The following SGCZ variants were observed in gnomAD, a reference collection of about 807,000 sequenced individuals.
SGCZ encodes sarcoglycan zeta, also known as zeta-sarcoglycan.
Under a neutral mutation model 41.3 loss-of-function variants are expected in SGCZ, and 40 were observed. That is an observed-to-expected ratio of 0.97 (90% CI 0.75 to 1.26). The LOEUF (loss-of-function observed/expected upper bound fraction) is 1.26. SGCZ is among the 50% of genes most tolerant of loss of function. The pLI, the probability that SGCZ is intolerant of heterozygous loss-of-function variation, is 0.00. For synonymous variants in SGCZ, 206 were observed against 137.5 expected, an observed-to-expected ratio of 1.50 and a Z score of -3.49; for missense variants, 552 against 369.8, an observed-to-expected ratio of 1.49 and a Z score of -4.04.
At chr8:14,941,061 C>T (rs1157544899) in intron 1 of SGCZ, among the ~76,000 whole-genome samples, 19 of 151,998 alleles carry the variant, frequency 1.3e-4, no homozygotes, top group Admixed American at 1.1e-3. Flanking sequence ...GCAACAAATA[C>T]CATTTTTACC....
At chr8:15,054,897 GC>G (rs1804648202) in intron 1 of SGCZ, among the ~76,000 whole-genome samples, 1 of 150,806 alleles carries the variant, frequency 6.6e-6, no homozygotes, top group Non-Finnish European at 1.5e-5. Context: ...AGGAGGCAGA[GC>G]TTGCAGTGAG....
At chr8:14,152,491 C>G (rs564199127) in intron 5 of SGCZ, among the ~76,000 whole-genome samples, 1 of 152,240 alleles carries the variant, frequency 6.6e-6, no homozygotes, top group African/African-American at 2.4e-5. Flanking sequence ...TAGCAAGATC[C>G]TGTCTCTTAA....
intron 1 of SGCZ, among the ~76,000 whole-genome samples, chr8:14,754,069 A>G (rs1480161304): frequency 6.6e-6 from 1 of 152,224 alleles, no homozygotes; most frequent in African/African-American, 2.4e-5. Flanking sequence ...GCCCATGTCA[A>G]CAGAGTTCTG....
intron 1 of SGCZ, among the ~76,000 whole-genome samples, chr8:15,111,309 A>G (rs1807041011): frequency 6.6e-6 from 1 of 151,960 alleles, no homozygotes; most frequent in African/African-American, 2.4e-5. Flanking sequence ...TCTCCCTACA[A>G]CCCTCTCCCG....
intron 1 of SGCZ, among the ~76,000 whole-genome samples, chr8:15,163,543 T>A (rs1799573438): frequency 6.6e-6 from 1 of 152,212 alleles, no homozygotes; most frequent in Non-Finnish European, 1.5e-5. Flanking sequence ...AATCTTGAAG[T>A]TCTAATAAAA....
chr8:14,513,947 T>C (rs1217862949), intron 2 of SGCZ, among the ~76,000 whole-genome samples: 1 of 152,004 alleles, frequency 6.6e-6, no homozygotes, highest in East Asian at 1.9e-4. Context: ...CAGCCTTGAG[T>C]CAGTTGGAAA....
chr8:14,684,841 CA>C (rs1290069172), intron 1 of SGCZ, among the ~76,000 whole-genome samples: 2 of 151,960 alleles, frequency 1.3e-5, no homozygotes, highest in Non-Finnish European at 2.9e-5. Context: ...TTTCAAGAAA[CA>C]ATGCAGCCTT....
chr8:14,127,025 G>A (rs1419966668), intron 5 of SGCZ, among the ~76,000 whole-genome samples: 1 of 152,090 alleles, frequency 6.6e-6, no homozygotes, highest in Non-Finnish European at 1.5e-5. Context: ...TAATGCATGT[G>A]TGGCTTAATA....
chr8:14,539,894 T>A lies in SGCZ; in HGVS notation c.234+14838A>T, dbSNP rs540600404. 4.6e-5 allele frequency among the ~76,000 whole-genome samples: 7 copies of A among 152,090 alleles called. 1 individual carries two copies. In the South Asian group the frequency reaches 1.5e-3, roughly 32 times the overall value. On this transcript the variant is annotated intron_variant, in intron 2 of 7. Coordinates refer to ENST00000382080, the MANE Select transcript of SGCZ (RefSeq NM_139167.4). ...TGTCAGATAGAAGTCCTTTGTTGGC[T>A]TGTTTGCTTTAATTTAAAAATAGAG...
chr8:14,527,557 C>T (rs28446638), intron 2 of SGCZ, among the ~76,000 whole-genome samples: 2 of 135,606 alleles, frequency 1.5e-5, no homozygotes, highest in South Asian at 2.4e-4. Flanking sequence ...TTTAAAAAAA[C>T]ATCAATAGCC....
chr8:14,103,278 C>G (rs540719886), intron 6 of SGCZ, among the ~76,000 whole-genome samples: 1,380 of 103,328 alleles, frequency 0.013, 17 homozygotes, highest in Non-Finnish European at 0.023. Context: ...AGAGAAAAAG[C>G]AAAAATGACA....
At chr8:14,961,625 CAT>C (rs879467462) in intron 1 of SGCZ, among the ~76,000 whole-genome samples, 5 of 152,036 alleles carry the variant, frequency 3.3e-5, no homozygotes, top group African/African-American at 4.8e-5. Flanking sequence ...TAAGAAAAAA[CAT>C]AGTACATATA....
At chr8:15,124,181 C>CT (rs1275550190) in intron 1 of SGCZ, among the ~76,000 whole-genome samples, 1 of 152,198 alleles carries the variant, frequency 6.6e-6, no homozygotes, top group African/African-American at 2.4e-5. Context: ...AGTTAGAAGA[C>CT]TACTGTAGTC....
intron 2 of SGCZ, among the ~76,000 whole-genome samples, chr8:14,355,681 C>A (rs890116389): frequency 6.6e-6 from 1 of 151,910 alleles, no homozygotes; most frequent in Non-Finnish European, 1.5e-5. Flanking sequence ...AATGAAAGGA[C>A]TGAAGGTCAT....
chr8:14,816,195 T>G (rs1801898370), intron 1 of SGCZ, among the ~76,000 whole-genome samples: 1 of 152,370 alleles, frequency 6.6e-6, no homozygotes, highest in South Asian at 2.1e-4. Flanking sequence ...CTCAATGCAG[T>G]CTCGACATAT....
At chr8:14,973,953 A>G (rs1801381879) in intron 1 of SGCZ, among the ~76,000 whole-genome samples, 1 of 152,200 alleles carries the variant, frequency 6.6e-6, no homozygotes, top group Non-Finnish European at 1.5e-5. Flanking sequence ...GACATTTCCA[A>G]AATTACAACA....
chr8:15,212,299 A>G (rs938721213), intron 1 of SGCZ, among the ~76,000 whole-genome samples: 1 of 152,114 alleles, frequency 6.6e-6, no homozygotes, highest in Admixed American at 6.6e-5. Flanking sequence ...ACTGTTTTGC[A>G]CAGAAATATA....
intron 1 of SGCZ, among the ~76,000 whole-genome samples, chr8:15,173,894 A>G (rs1044281477): frequency 6.6e-6 from 1 of 151,982 alleles, no homozygotes; most frequent in Non-Finnish European, 1.5e-5. Flanking sequence ...CACCTGGCTA[A>G]TTTTTTTATT....
chr8:14,898,976 A>C (rs1031853838), intron 1 of SGCZ, among the ~76,000 whole-genome samples: 1 of 152,192 alleles, frequency 6.6e-6, no homozygotes, highest in Admixed American at 6.5e-5. Context: ...ATGTAAAATA[A>C]TTTTTTAAAA....
Sources: gnomAD v4.1 joint callset for allele counts (sites outside exome capture counted in the v4.1 genomes callset) on GRCh38, gnomAD v4.1.1 for gene constraint, MANE v1.5 for transcripts, NCBI Gene and HGNC (gene_info 2026-07-23, HGNC 2026-07-21) for gene names.